The following NAALADL2 variants were observed in gnomAD, a reference collection of about 807,000 sequenced individuals.
NAALADL2 encodes inactive N-acetylated-alpha-linked acidic dipeptidase-like protein 2.
In NAALADL2, 76 loss-of-function variants were observed where a neutral mutation model predicts 87.2. The observed-to-expected ratio is 0.87, with a 90% CI of 0.72 to 1.05. The LOEUF is 1.05. Among genes scored for constraint, NAALADL2 ranks in the 50% least tolerant of loss-of-function variants. The pLI, the probability that NAALADL2 is intolerant of heterozygous loss-of-function variation, is 0.00. For missense variants in NAALADL2, 1,089 were observed against 945.8 expected (o/e 1.15, Z -1.99); for synonymous variants, 354 against 331.0 (o/e 1.07, Z -0.75).
At chr3:174,748,671 A>C (rs1052444923) in intron 3 of NAALADL2, among the ~76,000 whole-genome samples, 34 of 152,138 alleles carry the variant, frequency 2.2e-4, no homozygotes, top group African/African-American at 7.7e-4. Context: ...TGTTACGAGA[A>C]TCTAGAAGAT....
chr3:174,755,083 T>A (rs1711856755), intron 3 of NAALADL2, among the ~76,000 whole-genome samples: 1 of 152,192 alleles, frequency 6.6e-6, no homozygotes, highest in Non-Finnish European at 1.5e-5. Flanking sequence ...GGTGATTGGA[T>A]CATGGAGGCG....
chr3:175,698,812 T>G (rs1738564862), intron 11 of NAALADL2, among the ~76,000 whole-genome samples: 1 of 151,824 alleles, frequency 6.6e-6, no homozygotes, highest in Non-Finnish European at 1.5e-5. Flanking sequence ...ATATTTGATC[T>G]CAAAGACCAT....
intron 1 of NAALADL2, among the ~76,000 whole-genome samples, chr3:174,448,459 G>A (rs1198050614): frequency 6.6e-6 from 1 of 152,178 alleles, no homozygotes; most frequent in African/African-American, 2.4e-5. Context: ...TCTAAGTTTT[G>A]TAGTTTTTAT....
At chr3:175,660,138 T>C (rs35215278) in intron 11 of NAALADL2, among the ~76,000 whole-genome samples, 232 of 152,198 alleles carry the variant, frequency 1.5e-3, no homozygotes, top group Middle Eastern at 0.01. Context: ...AGGGAACTAA[T>C]CCTGTTCATG....
chr3:175,583,166 A>G (rs1197682334), intron 10 of NAALADL2, among the ~76,000 whole-genome samples: 3 of 152,210 alleles, frequency 2.0e-5, no homozygotes, highest in Non-Finnish European at 4.4e-5. Context: ...TCAACAGCTT[A>G]TTATAAAATA....
intron 2 of NAALADL2, among the ~76,000 whole-genome samples, chr3:175,206,281 T>C (rs1171034714): frequency 2.9e-5 from 1 of 34,678 alleles, no homozygotes. Context: ...TTTCACTGTG[T>C]GTGTGTATGT....
intron 2 of NAALADL2, among the ~76,000 whole-genome samples, chr3:174,645,108 C>G (rs539477938): frequency 7.2e-5 from 11 of 152,242 alleles, no homozygotes; most frequent in African/African-American, 2.4e-4. Context: ...GAAAACAGCT[C>G]CCGGTCTAGG....
intron 2 of NAALADL2, among the ~76,000 whole-genome samples, chr3:175,101,016 AG>A (rs1466149249): frequency 6.6e-6 from 1 of 151,780 alleles, no homozygotes; most frequent in African/African-American, 2.4e-5. Flanking sequence ...GAGCTGGAGG[AG>A]GGTATATTAG....
At chr3:175,320,447 C>A (rs1472702079) in intron 4 of NAALADL2, among the ~76,000 whole-genome samples, 1 of 152,136 alleles carries the variant, frequency 6.6e-6, no homozygotes, top group Non-Finnish European at 1.5e-5. Flanking sequence ...CATAAGGTTA[C>A]GTGTAAATTC....
At chr3:174,597,383 T>G (rs567271405) in intron 2 of NAALADL2, among the ~76,000 whole-genome samples, 3 of 152,260 alleles carry the variant, frequency 2.0e-5, no homozygotes, top group Admixed American at 6.5e-5. Context: ...CAACGTAAAC[T>G]ATATCGTTTG....
At chr3:174,530,748 C>T (rs1262822842) in intron 1 of NAALADL2, among the ~76,000 whole-genome samples, 1 of 152,122 alleles carries the variant, frequency 6.6e-6, no homozygotes, top group Non-Finnish European at 1.5e-5. Flanking sequence ...AATACTTACC[C>T]CCCACCGGGT....
At chr3:175,199,846 AT>A (rs1739640183) in intron 2 of NAALADL2, among the ~76,000 whole-genome samples, 2 of 15,860 alleles carry the variant, frequency 1.3e-4, no homozygotes, top group African/African-American at 6.1e-4. Context: ...ATATATATAT[AT>A]ATATATATAT....
chr3:174,551,806 T>G (rs548160397), intron 2 of NAALADL2, among the ~76,000 whole-genome samples: 1 of 152,298 alleles, frequency 6.6e-6, no homozygotes, highest in African/African-American at 2.4e-5. Context: ...AGAAAACTGG[T>G]TAGCTTTTTC....
chr3:175,344,772 A>C (rs890066612), intron 5 of NAALADL2, among the ~76,000 whole-genome samples: 2 of 152,122 alleles, frequency 1.3e-5, no homozygotes, highest in Non-Finnish European at 2.9e-5. Flanking sequence ...CTTTCATATT[A>C]ATTTTTTATC....
chr3:174,875,112 CAAAAAAAAAAAA>C (rs10547300), intron 1 of NAALADL2, among the ~76,000 whole-genome samples: 817 of 41,582 alleles, frequency 0.02, 6 homozygotes, highest in Middle Eastern at 0.056. Context: ...GACCCTGTCT[CAAAAAAAAAAAA>C]AAAAAAAAAA....
intron 2 of NAALADL2, among the ~76,000 whole-genome samples, chr3:174,657,443 G>C (rs1215572706): frequency 6.6e-6 from 1 of 151,832 alleles, no homozygotes; most frequent in African/African-American, 2.4e-5. Flanking sequence ...AGGCATGAGC[G>C]ACCCTGCCCG....
intron 1 of NAALADL2, among the ~76,000 whole-genome samples, chr3:174,521,665 C>G (rs1018600667): frequency 6.6e-6 from 1 of 151,258 alleles, no homozygotes; most frequent in Non-Finnish European, 1.5e-5. Flanking sequence ...TAATTATCCT[C>G]AGTGAAATAA....
chr3:175,050,798 A>G (rs1755283652), intron 1 of NAALADL2, among the ~76,000 whole-genome samples: 1 of 152,202 alleles, frequency 6.6e-6, no homozygotes, highest in Non-Finnish European at 1.5e-5. Flanking sequence ...TCTAATTGAG[A>G]GTGTTATCTT....
intron 10 of NAALADL2, among the ~76,000 whole-genome samples, chr3:175,623,627 T>C (rs1005567983): frequency 7.9e-5 from 12 of 151,534 alleles, no homozygotes; most frequent in Non-Finnish European, 1.5e-5. Context: ...AGATGACAGA[T>C]AGAGGAGGTG....
Sources: allele counts gnomAD v4.1 joint callset (sites outside exome capture counted in the v4.1 genomes callset), GRCh38; gene constraint gnomAD v4.1.1; transcripts MANE v1.5; gene names NCBI Gene and HGNC (gene_info 2026-07-23, HGNC 2026-07-21).